IRGQ: variants seen among roughly 807,000 people sequenced by gnomAD.
The protein encoded by IRGQ is immunity related GTPase Q.
In IRGQ, 5 loss-of-function variants were observed where a neutral mutation model predicts 10.5. The ratio of observed to expected loss-of-function variants is 0.48; its 90% CI spans 0.25 to 1.00. The LOEUF (loss-of-function observed/expected upper bound fraction) is 1.00, where lower values mean the gene tolerates loss of function less well. Ranked by LOEUF, IRGQ falls within the 50% of genes least tolerant of loss-of-function variation. The pLI is 0.16. For missense variants in IRGQ, 792 were observed against 877.7 expected (o/e 0.90, Z 1.23); for synonymous variants, 418 against 426.0 (o/e 0.98, Z 0.23).
At position 43,591,041 on chromosome 19, in the gene IRGQ, T is replaced by C. The variant is rs929331126; in HGVS notation, c.*985A>G. On this transcript the variant is annotated 3_prime_UTR_variant, in exon 3 of 3. Transcript: ENST00000422989. Reference sequence around the variant, plus strand: ...CCTACATGCTTTTGGAGGGCAATTATAGAAACCCATCCACTCCCCAGGAGA... The same window carrying C: ...CCTACATGCTTTTGGAGGGCAATTACAGAAACCCATCCACTCCCCAGGAGA... 2 of 152,188 alleles carry C rather than the reference T, an allele frequency of 1.3e-5. No individual in the cohort carries two copies. The highest frequency in any genetic ancestry group is 2.4e-5 in the African/African-American group (1 of 41,418). 9.4% of individuals were successfully genotyped at this position (152,188 alleles called of 1,614,324 possible). A position where few individuals can be genotyped will look rare whatever the true frequency, so the allele number is the denominator to read the frequency against.
chr19:43,594,105 G>C (rs961257459), intron 2 of IRGQ, among the ~76,000 whole-genome samples: 1 of 152,206 alleles, frequency 6.6e-6, no homozygotes, highest in Admixed American at 6.5e-5. Context: ...GCTCATTGCG[G>C]GTGTGGCTTT....
At position 43,593,552 on chromosome 19, in the gene IRGQ, T is replaced by TG. The variant is rs1191291163; in HGVS notation, c.531-186dup. On this transcript the variant is annotated intron_variant, in intron 2 of 2. Transcript: ENST00000422989. The surrounding 1 kb of genome is among the most constrained non-coding windows in gnomAD (Gnocchi z 6.4). ...TAGGGAGAGGCAGTGATGATATGGG[T>TG]GGGGCTTCAAGCAATAATGGAGTCT... Among the ~76,000 whole-genome samples the TG allele has an allele frequency of 6.6e-6, 1 of 151,922 alleles. No homozygotes were observed. The highest frequency in any genetic ancestry group is 1.5e-5 in the Non-Finnish European group (1 of 67,972).
rs778574487 is a variant in IRGQ, at chr19:43,592,412, G to A, written c.1486C>T (p.Pro496Ser). ...LLASLAAAAA[P>S]LPGLGWACDV... The stretch of plus-strand genomic sequence containing the variant: ...CATGCCCAGCCCAGCCCTGGGAGTG[G>A]TGCCGCCGCCGCCGCCAGACTAGCC... The change falls in exon 3 of 3, where the codon CCA becomes TCA. Residue 496 changes from proline to serine, a missense_variant. Transcript: ENST00000422989. 6.3e-7 allele frequency: 1 copy of A among 1,575,924 alleles called. No homozygotes were observed. The highest frequency in any genetic ancestry group is 1.3e-5 in the African/African-American group (1 of 74,150).
chr19:43,592,241 G>C lies in IRGQ; in HGVS notation c.1657C>G (p.Arg553Gly). The C allele has an allele frequency of 6.3e-7, 1 of 1,579,518 alleles. No individual in the cohort carries two copies. Among genetic ancestry groups the C allele is most frequent in the Non-Finnish European group, 8.5e-7 (1 of 1,170,590 alleles). The change falls in exon 3 of 3, where the codon CGC (arginine) becomes GGC (glycine). Residue 553 changes from arginine (R) to glycine (G), a missense_variant. Physicochemically the swap from Arg to Gly is moderately radical, Grantham distance 125. Transcript: ENST00000422989. ...ARAHFPGPVT[R>G]AEVEARLGAW... The stretch of plus-strand genomic sequence containing the variant: ...CCCAGTCTTGCTTCCACCTCGGCGC[G>C]CGTCACCGGGCCTGGGAAATGAGCG...
At chr19:43,594,705 C>A in intron 2 of IRGQ, 104 bp downstream of exon 2, 1 of 921,002 alleles carries the variant, frequency 1.1e-6, no homozygotes, top group Non-Finnish European at 1.6e-6. Flanking sequence ...TAGAGCTAAG[C>A]CTTGCCCCAA....
rs534217834 is a variant in IRGQ, at chr19:43,596,087, G to T, written c.-108C>A. 1.3e-5 allele frequency: 2 copies of T among 152,226 alleles called. No individual in the cohort carries two copies. Among genetic ancestry groups the T allele is most frequent in the African/African-American group, 4.8e-5 (2 of 41,458 alleles). The allele number at this position is 152,226 out of a possible 1,614,324, so 9.4% of individuals were successfully genotyped here. On this transcript the variant is annotated 5_prime_UTR_variant, in exon 1 of 3. Transcript: ENST00000422989. The stretch of plus-strand genomic sequence containing the variant: ...GGCGGACGGAGGCCGAAGAGGCCAG[G>T]GAGCGGTGATTTAGAGATGCCGGGA...
Position 43,591,308 on chromosome 19 carries a change from A to C in IRGQ, c.*718T>G, listed in dbSNP as rs1973051362. Reference sequence around the variant, plus strand: ...GTTTCCCTCTGAGGCTCTGAAGCCCAAGAGTTCCAGCTCCCTGGGGCGCTC... The same window carrying C: ...GTTTCCCTCTGAGGCTCTGAAGCCCCAGAGTTCCAGCTCCCTGGGGCGCTC... On this transcript the variant is annotated 3_prime_UTR_variant, in exon 3 of 3. Transcript: ENST00000422989. The C allele has an allele frequency of 6.6e-6, 1 of 152,240 alleles. No homozygotes were observed. Among genetic ancestry groups the C allele is most frequent in the African/African-American group, 2.4e-5 (1 of 41,434 alleles). 9.4% of individuals were successfully genotyped at this position (152,240 alleles called of 1,614,324 possible). A position where few individuals can be genotyped will look rare whatever the true frequency, so the allele number is the denominator to read the frequency against.
chr19:43,592,561 A>G lies in IRGQ; in HGVS notation c.1337T>C (p.Leu446Pro). 1 of 1,597,980 alleles carries G rather than the reference A, an allele frequency of 6.3e-7. No individual in the cohort carries two copies. The highest frequency in any genetic ancestry group is 8.5e-7 in the Non-Finnish European group (1 of 1,178,926). Residue 446 changes from leucine to proline, a missense_variant, in exon 3 of 3, where the codon CTG (leucine) becomes CCG (proline). Transcript: ENST00000422989. ...PGGLPGLCEW[L>P]RRALPPAQAG... ...CTGGGCTGGGGGGAGCGCTCGCCGCAGCCATTCGCATAGCCCTGGGAGTCC... is the reference window on the plus strand; with the variant it reads ...CTGGGCTGGGGGGAGCGCTCGCCGCGGCCATTCGCATAGCCCTGGGAGTCC...
intron 2 of IRGQ, among the ~76,000 whole-genome samples, chr19:43,594,225 T>C (rs770269802): frequency 6.6e-6 from 1 of 152,134 alleles, no homozygotes; most frequent in Non-Finnish European, 1.5e-5. Flanking sequence ...TCCCAGCACT[T>C]TGGGAGGCCA....
rs1973001807 is a variant in IRGQ at position 43,587,006 on chromosome 19, CA to C, written c.*5019del. 1 of 152,174 alleles carries C rather than the reference CA, an allele frequency of 6.6e-6. No individual in the cohort carries two copies. The highest frequency in any genetic ancestry group is 6.5e-5 in the Admixed American group (1 of 15,276). The allele number at this position is 152,174 out of a possible 1,614,324, so 9.4% of individuals were successfully genotyped here. A position where few individuals can be genotyped will look rare whatever the true frequency, so the allele number is the denominator to read the frequency against. The stretch of plus-strand genomic sequence containing the variant: ...TAATGTTGCACTACTGCCAATGAAA[CA>C]TAGAATTTTAAGTTGTATTTACTTT... On this transcript the variant is annotated 3_prime_UTR_variant, in exon 3 of 3. Transcript: ENST00000422989.
chr19:43,592,825 C>A lies in IRGQ; in HGVS notation c.1073G>T (p.Gly358Val). ...GAGTGCATTCTCCAATCCCCCTCCA[C>A]CTGCGTTCTTTAAGCTCTCGCCCTT... is the stretch of plus-strand genomic sequence containing the variant. ...NPKGESLKNAGGGGLENALSK... is the reference protein window; with the variant it reads ...NPKGESLKNAVGGGLENALSK... The change falls in exon 3 of 3, where the codon GGT becomes GTT. Residue 358 changes from glycine (G) to valine (V), a missense_variant. By Grantham distance (109) the Gly-to-Val change is moderately radical. Coordinates refer to ENST00000422989, the MANE Select transcript of IRGQ (RefSeq NM_001007561.3). 1 of 1,614,110 alleles carries A rather than the reference C, an allele frequency of 6.2e-7. No homozygotes were observed. The highest frequency in any genetic ancestry group is 1.1e-5 in the South Asian group (1 of 91,092).
Position 43,592,635 on chromosome 19 carries a change from C to A in IRGQ, c.1263G>T (p.Trp421Cys). The A allele has an allele frequency of 6.2e-7, 1 of 1,603,536 alleles. No homozygotes were observed. ...GCGGCGGCGCCTCCTCCAGCACCTC[C>A]CACGTCTCGTCCTCCGGGCTTAACG... ...AAALSPEDET[W>C]EVLEEAPPPV... is the part of the protein sequence containing the mutation. The change falls in exon 3 of 3, where the codon TGG becomes TGT. Residue 421 changes from tryptophan (W) to cysteine (C), a missense_variant. Trp to Cys is a radical substitution (Grantham distance 215). Transcript: ENST00000422989.
intron 2 of IRGQ, among the ~76,000 whole-genome samples, chr19:43,594,586 C>T (rs112959557): frequency 5.9e-5 from 9 of 152,262 alleles, no homozygotes; most frequent in African/African-American, 2.2e-4. Context: ...GTAATCCTAG[C>T]ACTTTGGGAG....
At position 43,591,655 on chromosome 19, in the gene IRGQ, C is replaced by T. The variant is rs887238254; in HGVS notation, c.*371G>A. 5.9e-6 allele frequency: 1 copy of T among 168,168 alleles called. No individual in the cohort carries two copies. Among genetic ancestry groups the T allele is most frequent in the African/African-American group, 2.4e-5 (1 of 41,966 alleles). 10.4% of individuals were successfully genotyped at this position (168,168 alleles called of 1,614,324 possible). ...CTGAGGTCAGGAGTTCGAGGCCAGC[C>T]TGGCCAACATGGTGAAACCCCGTCT... On this transcript the variant is annotated 3_prime_UTR_variant, in exon 3 of 3. Transcript: ENST00000422989.
rs1288187799 is a variant in IRGQ, at chr19:43,588,833, A to C, written c.*3193T>G. On this transcript the variant is annotated 3_prime_UTR_variant, in exon 3 of 3. Transcript: ENST00000422989. The stretch of plus-strand genomic sequence containing the variant: ...GCTGACATGCCTGATTGCAGGGCTT[A>C]GACACTAATATGATGGGGTAAAGAT... The C allele has an allele frequency of 1.3e-5, 2 of 152,274 alleles. No homozygotes were observed. The highest frequency in any genetic ancestry group is 2.9e-5 in the Non-Finnish European group (2 of 68,054). 9.4% of individuals were successfully genotyped at this position (152,274 alleles called of 1,614,324 possible).
chr19:43,595,261 C>G lies in IRGQ; in HGVS notation c.78G>C (p.Ala26=), dbSNP rs1332810050. 6.8e-6 allele frequency: 11 copies of G among 1,610,082 alleles called. No individual in the cohort carries two copies. Among genetic ancestry groups the G allele is most frequent in the Non-Finnish European group, 8.5e-6 (10 of 1,178,822 alleles). ...PGLGKSALIA[A]LCDKDVETLE... The stretch of plus-strand genomic sequence containing the variant: ...GCGTCTCCACATCCTTGTCGCACAG[C>G]GCTGCGATCAGCGCGGACTTCCCCA... The change falls in exon 2 of 3, where the codon GCG becomes GCC. Residue 26 remains alanine (A), a synonymous_variant. Coordinates refer to ENST00000422989, the MANE Select transcript of IRGQ (RefSeq NM_001007561.3).
At chr19:43,594,549 AAAG>A (rs1240836688) in intron 2 of IRGQ, among the ~76,000 whole-genome samples, 3 of 151,990 alleles carry the variant, frequency 2.0e-5, no homozygotes, top group African/African-American at 7.2e-5. Flanking sequence ...TCTCAAAAAA[AAAG>A]GCCGGGTGTG....
In IRGQ at chr19:43,592,830, G is replaced by A. The variant is rs576827704; in HGVS notation, c.1068C>T (p.Asn356=). Residue 356 remains asparagine (N), a synonymous_variant, in exon 3 of 3, where the codon AAC becomes AAT. Transcript: ENST00000422989. ...MENPKGESLK[N]AGGGGLENAL... ...CATTCTCCAATCCCCCTCCACCTGC[G>A]TTCTTTAAGCTCTCGCCCTTGGGAT... The A allele has an allele frequency of 1.2e-6, 2 of 1,613,986 alleles. No homozygotes were observed. The highest frequency in any genetic ancestry group is 1.1e-5 in the South Asian group (1 of 91,084).
Position 43,593,066 on chromosome 19 carries a change from G to T in IRGQ, c.832C>A (p.Pro278Thr). Residue 278 changes from proline to threonine, a missense_variant, in exon 3 of 3, where the codon CCT (proline) becomes ACT (threonine). Transcript: ENST00000422989. This position sits in a 1 kb window ranked among gnomAD's most constrained non-coding sequence, Gnocchi z 6.4. ...GTGGCAGTGCCCGTGTGGCCCAGAGGCACGGTCCAGAGCACCACATTCGGG... is the reference window on the plus strand; with the variant it reads ...GTGGCAGTGCCCGTGTGGCCCAGAGTCACGGTCCAGAGCACCACATTCGGG... ...ERPNVVLWTV[P>T]LGHTGTATTA... is the part of the protein sequence containing the mutation. The T allele has an allele frequency of 2.5e-6, 4 of 1,604,162 alleles. No individual in the cohort carries two copies. The highest frequency in any genetic ancestry group is 3.4e-6 in the Non-Finnish European group (4 of 1,173,890).
Sources: allele counts gnomAD v4.1 joint callset (sites outside exome capture counted in the v4.1 genomes callset), GRCh38; gene constraint gnomAD v4.1.1; non-coding constraint Gnocchi (gnomAD v3.1); transcripts MANE v1.5; gene names NCBI Gene and HGNC (gene_info 2026-07-23, HGNC 2026-07-21).